The following HSD17B3 variants were observed in gnomAD, a reference collection of about 807,000 sequenced individuals.
HSD17B3 encodes 17-beta-hydroxysteroid dehydrogenase type 3.
A neutral mutation model predicts 41.1 loss-of-function variants in HSD17B3; 29 were observed. That is an observed-to-expected ratio of 0.71 (90% confidence interval 0.53 to 0.96). HSD17B3 has a LOEUF of 0.96. Among genes scored for constraint, HSD17B3 ranks in the 40% least tolerant of loss-of-function variants. HSD17B3 has a pLI of 0.00. For synonymous variants in HSD17B3, 126 were observed against 145.6 expected, an observed-to-expected ratio of 0.87 and a Z score of 0.97; for missense variants, 323 against 374.6, an observed-to-expected ratio of 0.86 and a Z score of 1.14.
At chr9:96,289,818 T>C (rs1827078339) in intron 2 of HSD17B3, among the ~76,000 whole-genome samples, 1 of 152,028 alleles carries the variant, frequency 6.6e-6, no homozygotes. Context: ...ATACACAGGT[T>C]TTGCCACCCC....
chr9:96,242,637 A>G (rs1278182640), intron 9 of HSD17B3, among the ~76,000 whole-genome samples: 1 of 152,146 alleles, frequency 6.6e-6, no homozygotes, highest in Non-Finnish European at 1.5e-5. Context: ...CAGTCTTTTC[A>G]CTTTCTCCTC....
chr9:96,261,451 T>C (rs1172533021), intron 2 of HSD17B3, among the ~76,000 whole-genome samples: 1 of 152,178 alleles, frequency 6.6e-6, no homozygotes, highest in Non-Finnish European at 1.5e-5. Context: ...CGCCTTGGCC[T>C]CCCAAAGTGC....
chr9:96,298,676 TGTTG>T (rs552741682), intron 1 of HSD17B3, among the ~76,000 whole-genome samples: 5 of 151,886 alleles, frequency 3.3e-5, no homozygotes, highest in East Asian at 1.9e-4. Context: ...TTGGTTGGTT[TGTTG>T]GTTGGTTGGT....
intron 2 of HSD17B3, among the ~76,000 whole-genome samples, chr9:96,295,284 C>T (rs1028659110): frequency 2.0e-5 from 3 of 151,546 alleles, no homozygotes; most frequent in Non-Finnish European, 2.9e-5. Flanking sequence ...GGATTACAGG[C>T]GTGAGCCACC....
Position 96,248,330 on chromosome 9 carries a change from G to A in HSD17B3, c.489+1421C>T, listed in dbSNP as rs1031027545. Reference sequence around the variant, plus strand: ...AAAAACAACCAAATAGTTATTGTCCGCCCAACTTATTCACCTGAAAAGAAA... The same window carrying A: ...AAAAACAACCAAATAGTTATTGTCCACCCAACTTATTCACCTGAAAAGAAA... On this transcript the variant is annotated intron_variant, in intron 6 of 10. Transcript: ENST00000375263. Among the ~76,000 whole-genome samples, 8 of 152,248 alleles carry A rather than the reference G, an allele frequency of 5.3e-5. No individual in the cohort carries two copies. In the East Asian group the frequency reaches 5.8e-4, roughly 11 times the overall value.
At chr9:96,258,267 G>T (rs1007420414) in intron 2 of HSD17B3, among the ~76,000 whole-genome samples, 4 of 152,070 alleles carry the variant, frequency 2.6e-5, no homozygotes, top group Non-Finnish European at 5.9e-5. Context: ...TACCTTCAAG[G>T]TAATTGTTTA....
chr9:96,277,603 T>A (rs1826514162), intron 2 of HSD17B3, among the ~76,000 whole-genome samples: 1 of 152,178 alleles, frequency 6.6e-6, no homozygotes, highest in Non-Finnish European at 1.5e-5. Flanking sequence ...AGGGAACTCT[T>A]GTATACTGTT....
At chr9:96,281,839 C>T (rs1181397666) in intron 2 of HSD17B3, among the ~76,000 whole-genome samples, 6 of 152,172 alleles carry the variant, frequency 3.9e-5, no homozygotes, top group Non-Finnish European at 7.3e-5. Flanking sequence ...GCTCTGTGAG[C>T]GTCTCGCCTC....
At chr9:96,301,886 T>A in intron 1 of HSD17B3, 65 bp downstream of exon 1, 4 of 1,527,040 alleles carry the variant, frequency 2.6e-6, no homozygotes, top group Non-Finnish European at 3.6e-6. Context: ...GTCTCAAAAA[T>A]AATAATAATA....
At chr9:96,281,759 A>T (rs1479457198) in intron 2 of HSD17B3, among the ~76,000 whole-genome samples, 1 of 152,176 alleles carries the variant, frequency 6.6e-6, no homozygotes, top group African/African-American at 2.4e-5. Flanking sequence ...GCAGGAAAAG[A>T]TCCCTTCACT....
chr9:96,291,692 C>T (rs1193654127), intron 2 of HSD17B3, among the ~76,000 whole-genome samples: 1 of 152,176 alleles, frequency 6.6e-6, no homozygotes, highest in African/African-American at 2.4e-5. Flanking sequence ...TGATGTGGCT[C>T]ATGCCTGTAA....
chr9:96,290,860 A>C (rs968511370), intron 2 of HSD17B3, among the ~76,000 whole-genome samples: 1 of 152,062 alleles, frequency 6.6e-6, no homozygotes, highest in Non-Finnish European at 1.5e-5. Flanking sequence ...TCAAAAAAAA[A>C]AAGTCTCAAC....
chr9:96,251,871 ATTTAT>A (rs1327819429), intron 4 of HSD17B3, among the ~76,000 whole-genome samples: 1 of 152,184 alleles, frequency 6.6e-6, no homozygotes, highest in African/African-American at 2.4e-5. Flanking sequence ...AGAGATTCAT[ATTTAT>A]TTTATTAGCC....
At chr9:96,242,537 ACTT>A (rs770494922) in intron 9 of HSD17B3, among the ~76,000 whole-genome samples, 1 of 152,176 alleles carries the variant, frequency 6.6e-6, no homozygotes, top group Non-Finnish European at 1.5e-5. Flanking sequence ...CACAGTACAT[ACTT>A]CTTCATGCAT....
At chr9:96,273,143 C>A (rs1016172014) in intron 2 of HSD17B3, among the ~76,000 whole-genome samples, 1 of 152,112 alleles carries the variant, frequency 6.6e-6, no homozygotes, top group African/African-American at 2.4e-5. Context: ...TATATCAATG[C>A]CCAGAACCTG....
rs149979976 is a variant in HSD17B3, at chr9:96,276,324, T to C, written c.202-21381A>G. ...AGAATTAATACTGTTTAAATGTGCA[T>C]ACTATTGAAAATAACCTACAGATTC... On this transcript the variant is annotated intron_variant, in intron 2 of 10. Coordinates refer to ENST00000375263, the MANE Select transcript of HSD17B3 (RefSeq NM_000197.2). Among the ~76,000 whole-genome samples, 170 of 152,220 alleles carry C rather than the reference T, an allele frequency of 1.1e-3. No individual in the cohort carries two copies. In the South Asian group the frequency reaches 0.015, roughly 13 times the overall value.
At chr9:96,301,710 CAAA>C (rs35760395) in intron 1 of HSD17B3, among the ~76,000 whole-genome samples, 1 of 103,478 alleles carries the variant, frequency 9.7e-6, no homozygotes, top group Non-Finnish European at 1.9e-5. Context: ...GACTCTGTCT[CAAA>C]AAAAAAAAAA....
At chr9:96,287,880 A>C (rs1208221873) in intron 2 of HSD17B3, among the ~76,000 whole-genome samples, 1 of 152,114 alleles carries the variant, frequency 6.6e-6, no homozygotes, top group Middle Eastern at 3.2e-3. Context: ...AAAAAAAAAA[A>C]AAAAATGGAA....
At chr9:96,296,462 T>G (rs1423428428) in intron 2 of HSD17B3, among the ~76,000 whole-genome samples, 1 of 152,188 alleles carries the variant, frequency 6.6e-6, no homozygotes, top group Non-Finnish European at 1.5e-5. Context: ...GAATTCATTC[T>G]GCAGCTGAAG....
Sources: gnomAD v4.1 joint callset for allele counts (sites outside exome capture counted in the v4.1 genomes callset) on GRCh38, gnomAD v4.1.1 for gene constraint, MANE v1.5 for transcripts, NCBI Gene and HGNC (gene_info 2026-07-23, HGNC 2026-07-21) for gene names.